MSI2: variants seen among roughly 807,000 people sequenced by gnomAD.
MSI2 encodes RNA-binding protein Musashi homolog 2.
In MSI2, 17 loss-of-function variants were observed where a neutral mutation model predicts 45.6. That is an observed-to-expected ratio of 0.37 (90% CI 0.26 to 0.56). MSI2 has a LOEUF of 0.56. Ranked by LOEUF, MSI2 falls within the 20% of genes least tolerant of loss-of-function variation. The pLI is 0.77. For missense variants in MSI2, 293 were observed against 444.2 expected (o/e 0.66, Z 3.06); for synonymous variants, 156 against 158.2 (o/e 0.99, Z 0.11).
intron 13 of MSI2, 116 bp from the exon 14 acceptor site, chr17:57,679,433 A>T: frequency 2.5e-6 from 1 of 397,460 alleles, no homozygotes; most frequent in Non-Finnish European, 3.6e-6. Context: ...TCCATCTTTG[A>T]AACTCTAGTT....
Position 57,616,054 on chromosome 17 carries a change from G to A in MSI2, c.622G>A (p.Asp208Asn), listed in dbSNP as rs1198633816. 1.9e-6 allele frequency: 3 copies of A among 1,613,872 alleles called. No homozygotes were observed. The highest frequency in any genetic ancestry group is 2.5e-6 in the Non-Finnish European group (3 of 1,179,890). The change falls in exon 9 of 14, where the codon GAC becomes AAC. Residue 208 changes from aspartate (D) to asparagine (N), a missense_variant. By Grantham distance (23) the Asp-to-Asn change is conservative. Coordinates refer to ENST00000284073, the MANE Select transcript of MSI2 (RefSeq NM_138962.4). Reference protein sequence around the residue: ...GRARGLPYTMDAFMLGMGMLG... With the variant: ...GRARGLPYTMNAFMLGMGMLG... ...GGCCCGGGGACTGCCTTACACCATG[G>A]ACGCGTTCATGCTTGGCATGGGGAT...
intron 13 of MSI2, among the ~76,000 whole-genome samples, chr17:57,677,312 A>G (rs1034232236): frequency 6.6e-6 from 1 of 151,760 alleles, no homozygotes; most frequent in African/African-American, 2.4e-5. Flanking sequence ...GGTTCTTTGG[A>G]TTCTTTTTCT....
At chr17:57,444,822 C>G (rs549719703) in intron 6 of MSI2, 44 of 152,230 alleles carry the variant, frequency 2.9e-4, no homozygotes, top group Non-Finnish European at 4.5e-4. Flanking sequence ...GGGAGGTGTC[C>G]GCTCTGTGGC....
At chr17:57,579,018 T>C (rs776804753) in intron 7 of MSI2, among the ~76,000 whole-genome samples, 5 of 152,182 alleles carry the variant, frequency 3.3e-5, no homozygotes, top group Non-Finnish European at 7.3e-5. Flanking sequence ...AGATGCCTCA[T>C]TGTGAGCTGG....
At chr17:57,648,456 A>C (rs1486003271) in intron 10 of MSI2, among the ~76,000 whole-genome samples, 2 of 152,178 alleles carry the variant, frequency 1.3e-5, no homozygotes, top group African/African-American at 4.8e-5. Flanking sequence ...ACAGCTAGTA[A>C]GCGGCTGAGC....
intron 5 of MSI2, among the ~76,000 whole-genome samples, chr17:57,351,408 A>G (rs534322464): frequency 6.6e-6 from 1 of 152,262 alleles, no homozygotes; most frequent in Non-Finnish European, 1.5e-5. Flanking sequence ...ACCACAAATA[A>G]ATACACCATC....
intron 6 of MSI2, among the ~76,000 whole-genome samples, chr17:57,503,808 A>T (rs1479509671): frequency 8.5e-5 from 13 of 152,186 alleles, no homozygotes. Context: ...GCAGTCGCGC[A>T]ATCGCGGCTC....
chr17:57,365,041 G>A (rs1288100744), intron 5 of MSI2: 2 of 151,982 alleles, frequency 1.3e-5, no homozygotes, highest in African/African-American at 2.4e-5. Flanking sequence ...TTCAGAACTT[G>A]CTTCCTGTCT....
In MSI2 at chr17:57,280,491, G is replaced by T. The variant is rs117678872; in HGVS notation, c.312+18299G>T. ...ATTGGAGCAGCAGCTTGGTGGTTTG[G>T]TTAGTTGAGGAGTAGCAAGTGTTAA... On this transcript the variant is annotated intron_variant, in intron 5 of 13. Transcript: ENST00000284073. This position sits in a 1 kb window ranked among gnomAD's most constrained non-coding sequence, Gnocchi z 4.2. Among the ~76,000 whole-genome samples, 402 of 152,242 alleles carry T rather than the reference G, an allele frequency of 2.6e-3. 2 individuals are homozygous for T. Among genetic ancestry groups the T allele is most frequent in the Non-Finnish European group, 4.0e-3 (270 of 68,010 alleles).
chr17:57,565,142 C>T (rs1163294427), intron 7 of MSI2, among the ~76,000 whole-genome samples: 2 of 152,164 alleles, frequency 1.3e-5, no homozygotes, highest in African/African-American at 2.4e-5. Context: ...AGCCAGGGTG[C>T]CTGGTATTCG....
At chr17:57,553,213 G>A (rs972081522) in intron 7 of MSI2, among the ~76,000 whole-genome samples, 6 of 152,208 alleles carry the variant, frequency 3.9e-5, no homozygotes, top group African/African-American at 9.7e-5. Flanking sequence ...ATTGAACTAG[G>A]CTCATGGGCA....
intron 7 of MSI2, among the ~76,000 whole-genome samples, chr17:57,561,710 G>T (rs1177786691): frequency 6.6e-6 from 1 of 152,190 alleles, no homozygotes; most frequent in Non-Finnish European, 1.5e-5. Flanking sequence ...TCCAAGAAAT[G>T]GTAGCGTGTG....
intron 5 of MSI2, among the ~76,000 whole-genome samples, chr17:57,358,208 T>G (rs552207761): frequency 1.1e-4 from 17 of 151,572 alleles, no homozygotes; most frequent in East Asian, 9.8e-4. Context: ...TGGGGGGGTG[T>G]GTGTGTGTGT....
intron 10 of MSI2, among the ~76,000 whole-genome samples, chr17:57,649,338 A>T (rs1421614722): frequency 1.3e-5 from 2 of 151,740 alleles, no homozygotes; most frequent in African/African-American, 4.8e-5. Context: ...ACACATCCAC[A>T]TACGCCCAAC....
At chr17:57,669,468 A>G (rs1479452105) in intron 11 of MSI2, among the ~76,000 whole-genome samples, 5 of 152,164 alleles carry the variant, frequency 3.3e-5, no homozygotes, top group African/African-American at 1.2e-4. Flanking sequence ...GAGTTCCCCA[A>G]CTGCCTGGAG....
chr17:57,365,566 G>A (rs192343176), intron 5 of MSI2, among the ~76,000 whole-genome samples: 3 of 152,176 alleles, frequency 2.0e-5, no homozygotes, highest in Non-Finnish European at 4.4e-5. Context: ...GTGTCTACTG[G>A]GAGACATTAG....
intron 6 of MSI2, among the ~76,000 whole-genome samples, chr17:57,517,098 A>C (rs1026852706): frequency 6.6e-6 from 1 of 152,236 alleles, no homozygotes; most frequent in Non-Finnish European, 1.5e-5. Flanking sequence ...TCGGAATTCA[A>C]AAGTAGCAAA....
chr17:57,257,227 C>T (rs1250054718), intron 2 of MSI2, 89 bp downstream of exon 2: 11 of 481,130 alleles, frequency 2.3e-5, no homozygotes, highest in Admixed American at 4.9e-5. Context: ...CCCCCCCCCC[C>T]CCGCCATTGG....
rs2085857597 is a variant in MSI2 at position 57,490,892 on chromosome 17, G to GA, written c.406-38784_406-38783insA. Among the ~76,000 whole-genome samples the GA allele has an allele frequency of 2.0e-5, 3 of 151,910 alleles. No homozygotes were observed. In the South Asian group the frequency reaches 6.2e-4, roughly 32 times the overall value. On this transcript the variant is annotated intron_variant, in intron 6 of 13. Coordinates refer to ENST00000284073, the MANE Select transcript of MSI2 (RefSeq NM_138962.4). ...CCTCTACCTCTCTTTCTTCCCCTCT[G>GA]TTTTTTTCTTTTCTAGCCAGGGGCA...
Sources: gnomAD v4.1 joint callset for allele counts (sites outside exome capture counted in the v4.1 genomes callset) on GRCh38, gnomAD v4.1.1 for gene constraint, Gnocchi (gnomAD v3.1) non-coding constraint, MANE v1.5 for transcripts, NCBI Gene and HGNC (gene_info 2026-07-23, HGNC 2026-07-21) for gene names.